Variants in HECTD2 observed in about 807,000 individuals in gnomAD.
HECTD2 encodes probable E3 ubiquitin-protein ligase HECTD2.
HECTD2 carries 35 observed loss-of-function variants against 103.2 expected under a neutral mutation model. That is an observed-to-expected ratio of 0.34 (90% CI 0.26 to 0.45). HECTD2 has a LOEUF of 0.45. Among genes scored for constraint, HECTD2 ranks in the 20% least tolerant of loss-of-function variants. HECTD2 has a pLI of 1.00. For missense variants in HECTD2, 596 were observed against 937.4 expected (o/e 0.64, Z 4.76); for synonymous variants, 281 against 329.9 (o/e 0.85, Z 1.61).
intron 20 of HECTD2, among the ~76,000 whole-genome samples, chr10:91,503,974 C>T (rs756672955): frequency 1.6e-4 from 24 of 152,190 alleles, no homozygotes; most frequent in Non-Finnish European, 3.4e-4. Flanking sequence ...TGACACCTGA[C>T]CCCCGAGCAG....
chr10:91,455,185 A>G (rs1845028334), intron 2 of HECTD2, among the ~76,000 whole-genome samples: 1 of 152,184 alleles, frequency 6.6e-6, no homozygotes, highest in Non-Finnish European at 1.5e-5. Context: ...CAGTCCCACA[A>G]ACAGGGTAAA....
intron 1 of HECTD2, among the ~76,000 whole-genome samples, chr10:91,413,611 C>G (rs529038750): frequency 2.0e-5 from 3 of 152,326 alleles, no homozygotes; most frequent in South Asian, 2.1e-4. Context: ...ACTTGACACT[C>G]TATATACTGA....
At chr10:91,504,165 C>T in intron 20 of HECTD2, among the ~76,000 whole-genome samples, 1 of 152,072 alleles carries the variant, frequency 6.6e-6, no homozygotes, top group Non-Finnish European at 1.5e-5. Context: ...GATAAAACCA[C>T]AAAGATGGGG....
intron 6 of HECTD2, 53 bp downstream of exon 6, chr10:91,478,318 C>T: frequency 1.9e-6 from 2 of 1,055,630 alleles, no homozygotes; most frequent in Non-Finnish European, 3.0e-6. Context: ...CTAACTTACA[C>T]ATCATATATC....
At chr10:91,485,367 G>C (rs1003283552) in intron 10 of HECTD2, 64 bp downstream of exon 10, 26 of 1,269,430 alleles carry the variant, frequency 2.0e-5, no homozygotes, top group Admixed American at 2.5e-5. Flanking sequence ...AATGACTAGA[G>C]TTTAAGTTTA....
intron 1 of HECTD2, among the ~76,000 whole-genome samples, chr10:91,413,090 G>A (rs1219424198): frequency 6.6e-6 from 1 of 151,970 alleles, no homozygotes; most frequent in Non-Finnish European, 1.5e-5. Context: ...GACTCAATTC[G>A]TGACCCTACA....
chr10:91,444,052 C>T (rs974804592), intron 2 of HECTD2, among the ~76,000 whole-genome samples: 1 of 152,068 alleles, frequency 6.6e-6, no homozygotes, highest in African/African-American at 2.4e-5. Context: ...ATAGTCATCT[C>T]CTCTCTTCAA....
intron 1 of HECTD2, among the ~76,000 whole-genome samples, chr10:91,416,345 A>T (rs1427392275): frequency 3.3e-5 from 5 of 152,232 alleles, no homozygotes; most frequent in Non-Finnish European, 7.3e-5. Context: ...GTTAGATGAG[A>T]TTATTAAAGT....
At chr10:91,436,965 C>T (rs1244296536) in intron 2 of HECTD2, among the ~76,000 whole-genome samples, 4 of 152,008 alleles carry the variant, frequency 2.6e-5, no homozygotes, top group Admixed American at 6.6e-5. Flanking sequence ...AGTGGAATTT[C>T]GGGAGGAATT....
intron 2 of HECTD2, among the ~76,000 whole-genome samples, chr10:91,431,170 T>C (rs1323546836): frequency 2.0e-5 from 3 of 151,810 alleles, no homozygotes; most frequent in East Asian, 3.9e-4. Flanking sequence ...AAATTCTGGG[T>C]TGAAAATTCT....
rs185316940 is a variant in HECTD2 at position 91,503,979 on chromosome 10, G to A, written c.2210+2645G>A. 3.4e-3 allele frequency among the ~76,000 whole-genome samples: 524 copies of A among 152,228 alleles called. 3 individuals are homozygous for A. The highest frequency in any genetic ancestry group is 6.8e-3 in the South Asian group (33 of 4,818). ...AGTGGGTCCCTGACACCTGACCCCC[G>A]AGCAGCCTAACTGGGAGGCACCCTC... On this transcript the variant is annotated intron_variant, in intron 20 of 20. Coordinates refer to ENST00000298068, the MANE Select transcript of HECTD2 (RefSeq NM_182765.6).
At chr10:91,509,127 G>T (rs1310819554) in intron 20 of HECTD2, among the ~76,000 whole-genome samples, 1 of 120,920 alleles carries the variant, frequency 8.3e-6, no homozygotes, top group Non-Finnish European at 1.7e-5. Context: ...ACTGTTGTGG[G>T]GTGGGGGGAG....
intron 20 of HECTD2, among the ~76,000 whole-genome samples, chr10:91,503,592 C>T (rs188319168): frequency 2.6e-5 from 4 of 152,254 alleles, no homozygotes; most frequent in African/African-American, 4.8e-5. Context: ...CGGTGCACCA[C>T]GAGATTATAT....
At chr10:91,493,740 T>C (rs1846561899) in intron 14 of HECTD2, among the ~76,000 whole-genome samples, 1 of 152,006 alleles carries the variant, frequency 6.6e-6, no homozygotes, top group South Asian at 2.1e-4. Flanking sequence ...AAAATAAAAA[T>C]GGTTCTTTCC....
At chr10:91,477,084 G>A (rs943671778) in intron 5 of HECTD2, among the ~76,000 whole-genome samples, 2 of 152,126 alleles carry the variant, frequency 1.3e-5, no homozygotes, top group Non-Finnish European at 2.9e-5. Context: ...GGGAGGCTGA[G>A]GCAGGAGAAT....
intron 2 of HECTD2, among the ~76,000 whole-genome samples, chr10:91,455,327 A>G (rs1845036894): frequency 1.3e-5 from 2 of 152,110 alleles, no homozygotes; most frequent in Non-Finnish European, 1.5e-5. Context: ...GCCAATGATG[A>G]TGAGCATTTT....
intron 20 of HECTD2, among the ~76,000 whole-genome samples, chr10:91,511,256 A>C (rs1847408233): frequency 6.6e-6 from 1 of 152,198 alleles, no homozygotes; most frequent in East Asian, 1.9e-4. Context: ...AGCTGTAAGA[A>C]TCCTAAATGA....
intron 1 of HECTD2, among the ~76,000 whole-genome samples, chr10:91,420,040 A>T (rs1283900380): frequency 6.6e-6 from 1 of 152,196 alleles, no homozygotes; most frequent in Non-Finnish European, 1.5e-5. Flanking sequence ...GCCATTGCAC[A>T]AAATGATGCC....
intron 15 of HECTD2, among the ~76,000 whole-genome samples, chr10:91,497,392 G>A (rs1449760781): frequency 6.7e-6 from 1 of 148,846 alleles, no homozygotes; most frequent in Non-Finnish European, 1.5e-5. Context: ...CCAGGTCCGA[G>A]CAATTCTCCT....
Sources: gnomAD v4.1 joint callset for allele counts (sites outside exome capture counted in the v4.1 genomes callset) on GRCh38, gnomAD v4.1.1 for gene constraint, MANE v1.5 for transcripts, NCBI Gene and HGNC (gene_info 2026-07-23, HGNC 2026-07-21) for gene names.